Variants in PLBD1 observed in about 807,000 individuals in gnomAD.
The protein encoded by PLBD1 is lysosomal leucine aminopeptidase.
PLBD1 carries 60 observed loss-of-function variants against 63.0 expected under a neutral mutation model. That is an observed-to-expected ratio of 0.95 (90% CI 0.77 to 1.18). The LOEUF (loss-of-function observed/expected upper bound fraction) is 1.18, where lower values mean the gene tolerates loss of function less well. PLBD1 is among the 50% of genes most tolerant of loss of function. The pLI is 0.00. For synonymous variants in PLBD1, 262 were observed against 248.0 expected, an observed-to-expected ratio of 1.06 and a Z score of -0.53; for missense variants, 598 against 677.9, an observed-to-expected ratio of 0.88 and a Z score of 1.31.
In PLBD1 at chr12:14,540,764, C is replaced by T. The variant is rs1654225964; in HGVS notation, c.558G>A (p.Lys186=). The change falls in exon 4 of 11, where the codon AAG becomes AAA. Residue 186 remains lysine (K), a splice_region_variant and synonymous_variant. Coordinates refer to ENST00000240617, the MANE Select transcript of PLBD1 (RefSeq NM_024829.6). ...CTGAGAAGCTTGTTTAAAGTCCTAC[C>T]TTTGTCCCTTCTAATATAGCCCTCT... The part of the protein sequence containing the change: ...AKKRAILEGT[K]PMTLFQIQFL... 3 of 1,585,016 alleles carry T rather than the reference C, an allele frequency of 1.9e-6. No homozygotes were observed. The highest frequency in any genetic ancestry group is 1.7e-6 in the Non-Finnish European group (2 of 1,160,464).
At chr12:14,557,891 A>G (rs1945717635) in intron 1 of PLBD1, among the ~76,000 whole-genome samples, 1 of 152,092 alleles carries the variant, frequency 6.6e-6, no homozygotes, top group African/African-American at 2.4e-5. Context: ...CATATACCCA[A>G]AGGAATATAA....
rs761434336 is a variant in PLBD1, at chr12:14,511,419, T to G, written c.1046-19A>C. On this transcript the variant is annotated intron_variant, in intron 7 of 10. Coordinates refer to ENST00000240617, the MANE Select transcript of PLBD1 (RefSeq NM_024829.6). Reference sequence around the variant, plus strand: ...TAGGTGCCTGAAATATCAGGAAACATGAAGACGGGGCATGGGTATGACTTT... The same window carrying G: ...TAGGTGCCTGAAATATCAGGAAACAGGAAGACGGGGCATGGGTATGACTTT... 6.2e-7 allele frequency: 1 copy of G among 1,613,324 alleles called. No individual in the cohort carries two copies. Among genetic ancestry groups the G allele is most frequent in the Non-Finnish European group, 8.5e-7 (1 of 1,179,484 alleles).
chr12:14,543,744 ATT>A (rs1045606310), intron 2 of PLBD1, among the ~76,000 whole-genome samples: 2 of 151,952 alleles, frequency 1.3e-5, no homozygotes, highest in African/African-American at 4.8e-5. Context: ...AATAAAAATT[ATT>A]TTCTTTTTAA....
chr12:14,523,918 C>A (rs1366614131), intron 6 of PLBD1, among the ~76,000 whole-genome samples: 1 of 152,054 alleles, frequency 6.6e-6, no homozygotes, highest in Non-Finnish European at 1.5e-5. Flanking sequence ...TGGCTATCAA[C>A]AGATGAATGG....
chr12:14,505,559 T>A (rs1945247537), intron 10 of PLBD1, among the ~76,000 whole-genome samples: 1 of 152,214 alleles, frequency 6.6e-6, no homozygotes, highest in African/African-American at 2.4e-5. Context: ...ACACGTCAAC[T>A]AACAATTGGT....
At chr12:14,557,294 G>A (rs1375667410) in intron 1 of PLBD1, among the ~76,000 whole-genome samples, 1 of 152,084 alleles carries the variant, frequency 6.6e-6, no homozygotes, top group African/African-American at 2.4e-5. Context: ...ATTCAACCCA[G>A]TAATCCCATT....
intron 1 of PLBD1, among the ~76,000 whole-genome samples, chr12:14,566,050 C>T (rs1050170902): frequency 6.6e-6 from 1 of 152,152 alleles, no homozygotes; most frequent in African/African-American, 2.4e-5. Flanking sequence ...GCTGCCCCCT[C>T]CACCTACAAA....
intron 5 of PLBD1, 33 bp downstream of exon 5, chr12:14,536,537 C>G (rs775883129): frequency 3.4e-5 from 54 of 1,608,924 alleles, no homozygotes; most frequent in Non-Finnish European, 4.5e-5. Flanking sequence ...CTGTATGAAC[C>G]AGAACAAGGC....
chr12:14,565,647 G>A (rs1945775075), intron 1 of PLBD1, among the ~76,000 whole-genome samples: 2 of 152,122 alleles, frequency 1.3e-5, no homozygotes. Flanking sequence ...CACATGACAA[G>A]TGAGAGGTAG....
chr12:14,507,324 T>C (rs1243750907), intron 8 of PLBD1, among the ~76,000 whole-genome samples: 1 of 152,202 alleles, frequency 6.6e-6, no homozygotes, highest in Non-Finnish European at 1.5e-5. Flanking sequence ...TCAGCACAGC[T>C]CTAGGTTATT....
chr12:14,535,089 T>C (rs1945501975), intron 6 of PLBD1, among the ~76,000 whole-genome samples: 1 of 152,256 alleles, frequency 6.6e-6, no homozygotes, highest in African/African-American at 2.4e-5. Context: ...CAACACTGGT[T>C]ACACTTCTTT....
intron 6 of PLBD1, among the ~76,000 whole-genome samples, chr12:14,515,727 T>A (rs1293253289): frequency 1.3e-5 from 2 of 152,146 alleles, no homozygotes; most frequent in East Asian, 3.9e-4. Context: ...TCTTTTATCT[T>A]CATGTGTACC....
At chr12:14,535,614 G>A (rs369073496) in intron 6 of PLBD1, 45 bp downstream of exon 6, 123 of 1,601,134 alleles carry the variant, frequency 7.7e-5, no homozygotes, top group African/African-American at 2.7e-5. Flanking sequence ...GTTTTATCCA[G>A]GAATAGTACT....
intron 6 of PLBD1, among the ~76,000 whole-genome samples, chr12:14,523,652 T>C (rs753536670): frequency 6.6e-6 from 1 of 152,104 alleles, no homozygotes; most frequent in African/African-American, 2.4e-5. Flanking sequence ...TAAGACAGAA[T>C]AAAAAATACA....
chr12:14,540,013 C>CATAT (rs58124579), intron 4 of PLBD1, among the ~76,000 whole-genome samples: 75 of 22,708 alleles, frequency 3.3e-3, no homozygotes, highest in African/African-American at 7.1e-3. Context: ...AAGCTATGCA[C>CATAT]ATATATATAT....
chr12:14,555,507 A>T (rs1008439398), intron 1 of PLBD1, among the ~76,000 whole-genome samples: 3 of 152,200 alleles, frequency 2.0e-5, no homozygotes, highest in African/African-American at 7.2e-5. Context: ...ATTGCACTCC[A>T]GCCTGGGCAA....
chr12:14,547,122 C>T (rs59117945), intron 2 of PLBD1, among the ~76,000 whole-genome samples: 2,615 of 151,732 alleles, frequency 0.017, 64 homozygotes, highest in African/African-American at 0.06. Flanking sequence ...TCAGGTGATC[C>T]GCCTGCCTTG....
At chr12:14,558,776 T>C (rs1945726374) in intron 1 of PLBD1, among the ~76,000 whole-genome samples, 1 of 152,334 alleles carries the variant, frequency 6.6e-6, no homozygotes, top group East Asian at 1.9e-4. Flanking sequence ...CCAAGAGCTA[T>C]GTTTTCACTG....
chr12:14,556,936 A>T (rs1592010259), intron 1 of PLBD1, among the ~76,000 whole-genome samples: 1 of 139,792 alleles, frequency 7.2e-6, no homozygotes, highest in Middle Eastern at 3.8e-3. Context: ...GTGAGCCGAG[A>T]TCGTGCTATT....
Sources: gnomAD v4.1 joint callset for allele counts (sites outside exome capture counted in the v4.1 genomes callset) on GRCh38, gnomAD v4.1.1 for gene constraint, MANE v1.5 for transcripts, NCBI Gene and HGNC (gene_info 2026-07-23, HGNC 2026-07-21) for gene names.